Variants in CNTNAP2 observed in about 807,000 individuals in gnomAD.
The protein encoded by CNTNAP2 is contactin associated protein 2.
Under a neutral mutation model 155.2 loss-of-function variants are expected in CNTNAP2, and 98 were observed. The ratio of observed to expected loss-of-function variants is 0.63; its 90% CI spans 0.54 to 0.75. The LOEUF (loss-of-function observed/expected upper bound fraction) is 0.75. Among genes scored for constraint, CNTNAP2 ranks in the 30% least tolerant of loss-of-function variants. CNTNAP2 has a pLI of 0.00. For synonymous variants in CNTNAP2, 651 were observed against 631.2 expected (o/e 1.03, Z -0.47); for missense variants, 1,727 against 1,688.1 (o/e 1.02, Z -0.40).
intron 15 of CNTNAP2, among the ~76,000 whole-genome samples, chr7:148,049,445 TG>T (rs1802842702): frequency 6.6e-6 from 1 of 150,860 alleles, no homozygotes; most frequent in Non-Finnish European, 1.5e-5. Flanking sequence ...GATTTTTTAA[TG>T]TTTTATGATA....
rs141960362 is a variant in CNTNAP2, at chr7:146,490,255, A to G, written c.98-284016A>G. Among the ~76,000 whole-genome samples, 639 of 152,344 alleles carry G rather than the reference A, an allele frequency of 4.2e-3. 8 individuals carry two copies. Among genetic ancestry groups the G allele is most frequent in the African/African-American group, 0.014 (599 of 41,580 alleles). On this transcript the variant is annotated intron_variant, in intron 1 of 23. Transcript: ENST00000361727. Reference sequence around the variant, plus strand: ...CTACTATATTTTATATATCTCAGACACTGTTTTAATCACTAGGAAAAAATA... The same window carrying G: ...CTACTATATTTTATATATCTCAGACGCTGTTTTAATCACTAGGAAAAAATA...
chr7:146,415,764 G>A (rs1316669455), intron 1 of CNTNAP2, among the ~76,000 whole-genome samples: 4 of 151,826 alleles, frequency 2.6e-5, no homozygotes, highest in African/African-American at 7.3e-5. Flanking sequence ...AGTTTTCCTG[G>A]TATTTTCGAT....
intron 13 of CNTNAP2, among the ~76,000 whole-genome samples, chr7:147,801,850 G>A (rs1797994581): frequency 7.8e-6 from 1 of 128,716 alleles, no homozygotes; most frequent in African/African-American, 3.0e-5. Context: ...ACACCTCCCA[G>A]ACGGGGGGGG....
chr7:146,758,563 T>TGGTGGAA, intron 1 of CNTNAP2, among the ~76,000 whole-genome samples: 1 of 152,134 alleles, frequency 6.6e-6, no homozygotes, highest in South Asian at 2.1e-4. Context: ...TTTGCAATCA[T>TGGTGGAA]GGCAGAAGGT....
intron 3 of CNTNAP2, among the ~76,000 whole-genome samples, chr7:146,945,257 C>T (rs1053168683): frequency 3.3e-5 from 5 of 152,180 alleles, no homozygotes; most frequent in African/African-American, 1.2e-4. Context: ...CACGGCACTG[C>T]CATGTTTTAT....
At chr7:147,627,957 A>G (rs1795017766) in intron 12 of CNTNAP2, among the ~76,000 whole-genome samples, 1 of 151,128 alleles carries the variant, frequency 6.6e-6, no homozygotes, top group African/African-American at 2.4e-5. Context: ...TAAAAAAGTG[A>G]ACACAGCCTC....
chr7:147,878,443 C>CT (rs5888292), intron 13 of CNTNAP2, among the ~76,000 whole-genome samples: 92,797 of 150,978 alleles, frequency 0.61, 30,149 homozygotes, highest in African/African-American at 0.85. Flanking sequence ...TTGAATTATT[C>CT]TTTTTTTTTG....
At chr7:148,140,705 A>G (rs1174611197) in intron 16 of CNTNAP2, among the ~76,000 whole-genome samples, 1 of 152,094 alleles carries the variant, frequency 6.6e-6, no homozygotes, top group Non-Finnish European at 1.5e-5. Flanking sequence ...TACAGGCATG[A>G]GCCACCACAC....
intron 12 of CNTNAP2, among the ~76,000 whole-genome samples, chr7:147,571,887 A>G (rs937920304): frequency 7.2e-5 from 11 of 152,034 alleles, no homozygotes; most frequent in Non-Finnish European, 5.9e-5. Context: ...TACCTCCTCT[A>G]TGGTTAACCC....
intron 13 of CNTNAP2, among the ~76,000 whole-genome samples, chr7:147,813,958 C>T (rs1307728705): frequency 2.0e-5 from 3 of 151,942 alleles, no homozygotes; most frequent in African/African-American, 4.8e-5. Flanking sequence ...ACTAAAAAGT[C>T]GACAAGCTCA....
chr7:147,559,792 A>G (rs1158147867), intron 11 of CNTNAP2, among the ~76,000 whole-genome samples: 3 of 151,676 alleles, frequency 2.0e-5, no homozygotes, highest in African/African-American at 7.3e-5. Context: ...AAAGATTGTG[A>G]GTTTAGTTTA....
At chr7:147,280,002 A>C (rs1164195679) in intron 8 of CNTNAP2, among the ~76,000 whole-genome samples, 5 of 151,918 alleles carry the variant, frequency 3.3e-5, no homozygotes, top group Non-Finnish European at 7.4e-5. Context: ...GTCTACATGT[A>C]AAGTGATCTT....
chr7:147,033,154 ATATAT>A (rs1799069445), intron 3 of CNTNAP2, among the ~76,000 whole-genome samples: 4 of 71,622 alleles, frequency 5.6e-5, no homozygotes, highest in Non-Finnish European at 1.1e-4. Flanking sequence ...CTGCATATAT[ATATAT>A]GTATATATAT....
At chr7:148,032,575 C>T (rs1034951661) in intron 15 of CNTNAP2, among the ~76,000 whole-genome samples, 2 of 152,128 alleles carry the variant, frequency 1.3e-5, no homozygotes, top group Non-Finnish European at 2.9e-5. Flanking sequence ...TGGGAGGAGA[C>T]ACCCAAGGGA....
intron 12 of CNTNAP2, among the ~76,000 whole-genome samples, chr7:147,621,286 C>G (rs971425130): frequency 6.6e-6 from 1 of 151,922 alleles, no homozygotes; most frequent in Non-Finnish European, 1.5e-5. Flanking sequence ...TAAGAAATCA[C>G]CTGAAAGTAC....
intron 8 of CNTNAP2, among the ~76,000 whole-genome samples, chr7:147,204,201 GA>G (rs1402676274): frequency 6.6e-6 from 1 of 151,536 alleles, no homozygotes. Context: ...CAATATATAT[GA>G]AAAAATATAT....
intron 10 of CNTNAP2, among the ~76,000 whole-genome samples, chr7:147,399,881 G>A (rs1563190004): frequency 6.6e-6 from 1 of 152,184 alleles, no homozygotes; most frequent in Non-Finnish European, 1.5e-5. Flanking sequence ...AATGGAAGCT[G>A]CTAGCTTGAT....
chr7:146,821,490 G>A (rs1803282395), intron 2 of CNTNAP2, among the ~76,000 whole-genome samples: 1 of 152,054 alleles, frequency 6.6e-6, no homozygotes, highest in African/African-American at 2.4e-5. Context: ...TTGAATGTTG[G>A]AGCTTCTGCA....
At chr7:147,470,981 A>C (rs1239998937) in intron 10 of CNTNAP2, among the ~76,000 whole-genome samples, 1 of 152,188 alleles carries the variant, frequency 6.6e-6, no homozygotes, top group Non-Finnish European at 1.5e-5. Flanking sequence ...GAGAAGGAGC[A>C]GCCAGTAAAG....
Sources: allele counts gnomAD v4.1 joint callset (sites outside exome capture counted in the v4.1 genomes callset), GRCh38; gene constraint gnomAD v4.1.1; transcripts MANE v1.5; gene names NCBI Gene and HGNC (gene_info 2026-07-23, HGNC 2026-07-21).